ST3GAL2: variants seen among roughly 807,000 people sequenced by gnomAD.
ST3GAL2 encodes CMP-N-acetylneuraminate-beta-galactosamide-alpha-2,3-sialyltransferase 2.
ST3GAL2 carries 16 observed loss-of-function variants against 37.5 expected under a neutral mutation model. The ratio of observed to expected loss-of-function variants is 0.43; its 90% CI spans 0.29 to 0.65. The LOEUF is 0.65. Among genes scored for constraint, ST3GAL2 ranks in the 30% least tolerant of loss-of-function variants. The probability of loss-of-function intolerance (pLI) is 0.17; values close to 1 mark genes in which losing one functional copy is unlikely to be tolerated. For synonymous variants in ST3GAL2, 238 were observed against 202.9 expected (o/e 1.17, Z -1.47); for missense variants, 383 against 487.8 (o/e 0.79, Z 2.02).
chr16:70,381,446 A>T lies in ST3GAL2; in HGVS notation c.*243T>A, dbSNP rs1430416992. On this transcript the variant is annotated 3_prime_UTR_variant, in exon 7 of 7. Coordinates refer to ENST00000342907, the MANE Select transcript of ST3GAL2 (RefSeq NM_006927.4). ...GCCCCCGAAGGCCATTGATTGGAGG[A>T]GACTGGACACAGCGCCGGAAGTTTT... The T allele has an allele frequency of 1.8e-6, 1 of 550,680 alleles. No individual in the cohort carries two copies. Among genetic ancestry groups the T allele is most frequent in the African/African-American group, 1.9e-5 (1 of 52,402 alleles). The allele number at this position is 550,680 out of a possible 1,614,324, so 34.1% of individuals were successfully genotyped here.
intron 1 of ST3GAL2, among the ~76,000 whole-genome samples, chr16:70,413,433 T>C (rs1255642055): frequency 6.8e-6 from 1 of 147,428 alleles, no homozygotes. Context: ...AATAAAAAGC[T>C]GGCCGGGCGC....
At chr16:70,431,891 G>A (rs893695361) in intron 1 of ST3GAL2, among the ~76,000 whole-genome samples, 1 of 151,982 alleles carries the variant, frequency 6.6e-6, no homozygotes. Context: ...ATGAACCCAG[G>A]AGGCAGAGCT....
chr16:70,418,164 G>C (rs1287256084), intron 1 of ST3GAL2, among the ~76,000 whole-genome samples: 1 of 152,204 alleles, frequency 6.6e-6, no homozygotes, highest in Non-Finnish European at 1.5e-5. Flanking sequence ...ATCGACACCA[G>C]GCAGTGGCAG....
chr16:70,426,008 A>G (rs146989457), intron 1 of ST3GAL2, among the ~76,000 whole-genome samples: 2 of 152,040 alleles, frequency 1.3e-5, no homozygotes, highest in South Asian at 2.1e-4. Flanking sequence ...GAGTCCCCCA[A>G]CCACAGGGAA....
intron 1 of ST3GAL2, among the ~76,000 whole-genome samples, chr16:70,433,633 G>C (rs1033096370): frequency 1.3e-5 from 2 of 152,096 alleles, no homozygotes; most frequent in Non-Finnish European, 2.9e-5. Flanking sequence ...AGTGAGCACA[G>C]CTGGAGCAGA....
intron 3 of ST3GAL2, among the ~76,000 whole-genome samples, chr16:70,389,929 G>A (rs1335443274): frequency 2.0e-5 from 3 of 152,054 alleles, no homozygotes; most frequent in Admixed American, 6.6e-5. Context: ...TGGGACTACA[G>A]GCGCCCGCCA....
At position 70,377,856 on chromosome 16, in the gene ST3GAL2, AC is replaced by A. The variant is rs1333672421; in HGVS notation, c.*3832del. ...AAAAATATAAGCAACCAGGAGTGAAACACACCTGTGGAGGCAGGGAACTCAG... is the reference window on the plus strand; with the variant it reads ...AAAAATATAAGCAACCAGGAGTGAAAACACCTGTGGAGGCAGGGAACTCAG... On this transcript the variant is annotated 3_prime_UTR_variant, in exon 7 of 7. Transcript: ENST00000342907. 6.6e-6 allele frequency: 1 copy of A among 152,092 alleles called. No homozygotes were observed. Among genetic ancestry groups the A allele is most frequent in the Non-Finnish European group, 1.5e-5 (1 of 68,026 alleles). The allele number at this position is 152,092 out of a possible 1,614,324, so 9.4% of individuals were successfully genotyped here. A position where few individuals can be genotyped will look rare whatever the true frequency, so the allele number is the denominator to read the frequency against.
chr16:70,382,010 TG>T, intron 6 of ST3GAL2, 148 bp from the exon 7 acceptor site: 1 of 855,066 alleles, frequency 1.2e-6, no homozygotes, highest in South Asian at 1.7e-5. Flanking sequence ...TGGACTCACA[TG>T]GGGACACCAC....
rs1358905719 is a variant in ST3GAL2, at chr16:70,383,194, T to C, written c.755A>G (p.Glu252Gly). ...GGGAAGAAGTGGGGAGCTTACCTTT[T>C]CTTTATCCACTCGAAGGAAGGACTT... is the stretch of plus-strand genomic sequence containing the variant. The part of the protein sequence containing the change: ...PVKSFLRVDK[E>G]KVQIYNPAFF... Residue 252 changes from glutamate (E) to glycine (G), a missense_variant, in exon 5 of 7, where the codon GAA (glutamate) becomes GGA (glycine). By Grantham distance (98) the Glu-to-Gly change is moderately conservative. This residue lies in a region of ST3GAL2 where 160 missense variants were observed against 248.6 expected (regional missense o/e 0.64). Transcript: ENST00000342907. 6.2e-7 allele frequency: 1 copy of C among 1,611,670 alleles called. No individual in the cohort carries two copies. The highest frequency in any genetic ancestry group is 1.1e-5 in the South Asian group (1 of 90,922).
chr16:70,436,187 G>A (rs1267451461), intron 1 of ST3GAL2, among the ~76,000 whole-genome samples: 2 of 151,548 alleles, frequency 1.3e-5, no homozygotes, highest in Non-Finnish European at 2.9e-5. Flanking sequence ...CAGCACTTTG[G>A]GAGGCCAAGG....
At chr16:70,417,034 G>C (rs758117766) in intron 1 of ST3GAL2, among the ~76,000 whole-genome samples, 3 of 152,192 alleles carry the variant, frequency 2.0e-5, no homozygotes, top group Non-Finnish European at 4.4e-5. Flanking sequence ...GAAAAACTTG[G>C]ATTCACATTG....
At chr16:70,430,898 G>A (rs2151680848) in intron 1 of ST3GAL2, among the ~76,000 whole-genome samples, 2 of 152,228 alleles carry the variant, frequency 1.3e-5, no homozygotes, top group Middle Eastern at 6.8e-3. Context: ...CAGGCCCACA[G>A]AAACTTTCAC....
At chr16:70,397,911 C>T (rs1423591987) in intron 2 of ST3GAL2, among the ~76,000 whole-genome samples, 1 of 152,202 alleles carries the variant, frequency 6.6e-6, no homozygotes, top group African/African-American at 2.4e-5. Flanking sequence ...GGCAGGCCCC[C>T]CATGGCTGTA....
intron 1 of ST3GAL2, among the ~76,000 whole-genome samples, chr16:70,417,626 G>C (rs1239509503): frequency 6.6e-6 from 1 of 152,222 alleles, no homozygotes; most frequent in Non-Finnish European, 1.5e-5. Context: ...GAGTTTCTCT[G>C]CAAGGCCAAA....
At chr16:70,412,413 G>A (rs2047645732) in intron 1 of ST3GAL2, among the ~76,000 whole-genome samples, 1 of 152,160 alleles carries the variant, frequency 6.6e-6, no homozygotes, top group Admixed American at 6.5e-5. Context: ...GGAGACCACG[G>A]TGGGCAGGTT....
intron 1 of ST3GAL2, among the ~76,000 whole-genome samples, chr16:70,419,650 G>A (rs930045954): frequency 1.9e-4 from 29 of 152,302 alleles, no homozygotes; most frequent in African/African-American, 6.7e-4. Flanking sequence ...CAGCAGCCTC[G>A]GGTCTCAGAG....
At chr16:70,405,114 G>C (rs1597565997) in intron 1 of ST3GAL2, among the ~76,000 whole-genome samples, 1 of 150,978 alleles carries the variant, frequency 6.6e-6, no homozygotes, top group South Asian at 2.1e-4. Context: ...ACAACTCAAA[G>C]TTCCATCAAC....
rs1326026238 is a variant in ST3GAL2, at chr16:70,376,712, T to A, written c.*4977A>T. On this transcript the variant is annotated 3_prime_UTR_variant, in exon 7 of 7. Coordinates refer to ENST00000342907, the MANE Select transcript of ST3GAL2 (RefSeq NM_006927.4). ...GACCTTGCCAGACAGTCACAGAAGG[T>A]ACTTCCTTGTCTGCTGCCTGTGGAT... The A allele has an allele frequency of 6.6e-6, 1 of 152,172 alleles. No homozygotes were observed. The highest frequency in any genetic ancestry group is 1.5e-5 in the Non-Finnish European group (1 of 68,032). The allele number at this position is 152,172 out of a possible 1,614,324, so 9.4% of individuals were successfully genotyped here. A position where few individuals can be genotyped will look rare whatever the true frequency, so the allele number is the denominator to read the frequency against.
In ST3GAL2 at chr16:70,381,438, A is replaced by G; in HGVS notation, c.*251T>C. On this transcript the variant is annotated 3_prime_UTR_variant, in exon 7 of 7. Transcript: ENST00000342907. ...GCTGGCCCGCCCCCGAAGGCCATTG[A>G]TTGGAGGAGACTGGACACAGCGCCG... is the stretch of plus-strand genomic sequence containing the variant. 2.0e-6 allele frequency: 1 copy of G among 506,004 alleles called. No homozygotes were observed. Among genetic ancestry groups the G allele is most frequent in the South Asian group, 2.5e-5 (1 of 39,454 alleles). The allele number at this position is 506,004 out of a possible 1,614,324, so 31.3% of individuals were successfully genotyped here. A position where few individuals can be genotyped will look rare whatever the true frequency, so the allele number is the denominator to read the frequency against.
Sources: gnomAD v4.1 joint callset for allele counts (sites outside exome capture counted in the v4.1 genomes callset) on GRCh38, gnomAD v4.1.1 for gene constraint, gnomAD v4.1.1 regional missense constraint, MANE v1.5 for transcripts, NCBI Gene and HGNC (gene_info 2026-07-23, HGNC 2026-07-21) for gene names.